The following MYO1D variants were observed in gnomAD, a reference collection of about 807,000 sequenced individuals.
The protein encoded by MYO1D is myosin ID, also known as unconventional myosin-Id.
Under a neutral mutation model 122.0 loss-of-function variants are expected in MYO1D, and 83 were observed. The observed-to-expected ratio is 0.68, with a 90% confidence interval of 0.57 to 0.82. MYO1D has a LOEUF of 0.82. Among genes scored for constraint, MYO1D ranks in the 40% least tolerant of loss-of-function variants. MYO1D has a pLI of 0.00. For missense variants in MYO1D, 1,157 were observed against 1,269.5 expected, an observed-to-expected ratio of 0.91 and a Z score of 1.35; for synonymous variants, 464 against 446.9, an observed-to-expected ratio of 1.04 and a Z score of -0.48.
chr17:32,756,504 A>G (rs1279284564), intron 10 of MYO1D, among the ~76,000 whole-genome samples: 18 of 151,950 alleles, frequency 1.2e-4, no homozygotes, highest in Admixed American at 1.0e-3. Flanking sequence ...CATCCCAATC[A>G]GATGTCCATT....
chr17:32,708,898 G>A (rs2089340818), intron 16 of MYO1D, among the ~76,000 whole-genome samples: 1 of 152,166 alleles, frequency 6.6e-6, no homozygotes, highest in Non-Finnish European at 1.5e-5. Flanking sequence ...AAAAGCAGAG[G>A]TAGGGACTGG....
At chr17:32,787,455 G>T (rs1307283341) in intron 1 of MYO1D, among the ~76,000 whole-genome samples, 3 of 148,622 alleles carry the variant, frequency 2.0e-5, no homozygotes, top group Non-Finnish European at 4.5e-5. Flanking sequence ...GTCTCACTTT[G>T]TCGCCCAGGC....
At chr17:32,613,960 T>C (rs1470627340) in intron 20 of MYO1D, among the ~76,000 whole-genome samples, 2 of 151,982 alleles carry the variant, frequency 1.3e-5, no homozygotes, top group African/African-American at 4.8e-5. Flanking sequence ...TGCATTTGTA[T>C]TGTTTTTATT....
chr17:32,860,686 A>T (rs7213698), intron 1 of MYO1D, among the ~76,000 whole-genome samples: 1 of 152,200 alleles, frequency 6.6e-6, no homozygotes, highest in Non-Finnish European at 1.5e-5. Flanking sequence ...TAGGAATAGG[A>T]CAAAAACCGA....
chr17:32,874,976 C>T (rs2091216475), intron 1 of MYO1D, among the ~76,000 whole-genome samples: 1 of 152,042 alleles, frequency 6.6e-6, no homozygotes, highest in Non-Finnish European at 1.5e-5. Context: ...AGGAGTAGTC[C>T]TACAAACTAA....
At chr17:32,624,083 A>G (rs777208418) in intron 20 of MYO1D, among the ~76,000 whole-genome samples, 2 of 152,208 alleles carry the variant, frequency 1.3e-5, no homozygotes, top group Non-Finnish European at 2.9e-5. Context: ...AGCAAGTCCA[A>G]CTTTTAACAG....
chr17:32,653,657 T>C (rs2088430954), intron 19 of MYO1D, among the ~76,000 whole-genome samples, 186 bp downstream of exon 19: 1 of 151,100 alleles, frequency 6.6e-6, no homozygotes, highest in African/African-American at 2.4e-5. Flanking sequence ...GAAGGCTTTA[T>C]AGCCTAACTG....
Position 32,493,555 on chromosome 17 carries a change from T to C in MYO1D, c.*1204A>G, listed in dbSNP as rs185669338. 1.3e-5 allele frequency: 2 copies of C among 152,468 alleles called. No individual in the cohort carries two copies. The highest frequency in any genetic ancestry group is 4.8e-5 in the African/African-American group (2 of 41,452). The allele number at this position is 152,468 out of a possible 1,614,324, so 9.4% of individuals were successfully genotyped here. On this transcript the variant is annotated 3_prime_UTR_variant, in exon 22 of 22. Coordinates refer to ENST00000318217, the MANE Select transcript of MYO1D (RefSeq NM_015194.3). ...AGGCTCCCCTCATCCTCTCACCGCA[T>C]GGGGCATTTGCTCCCAGCCTCTACT...
At chr17:32,516,765 C>T (rs1355126325) in intron 21 of MYO1D, among the ~76,000 whole-genome samples, 3 of 152,196 alleles carry the variant, frequency 2.0e-5, no homozygotes, top group Admixed American at 6.5e-5. Flanking sequence ...TAATACAGGC[C>T]TTATTTACTG....
At chr17:32,705,867 T>C (rs2089301241) in intron 16 of MYO1D, among the ~76,000 whole-genome samples, 2 of 152,164 alleles carry the variant, frequency 1.3e-5, no homozygotes, top group African/African-American at 4.8e-5. Flanking sequence ...TGAGATCTGA[T>C]GGTTTTATAA....
chr17:32,786,293 G>T (rs2090293280), intron 1 of MYO1D, among the ~76,000 whole-genome samples: 1 of 152,140 alleles, frequency 6.6e-6, no homozygotes, highest in South Asian at 2.1e-4. Flanking sequence ...TAGTGGTGAG[G>T]CAAAAGAGAA....
chr17:32,547,010 A>C (rs994697002), intron 21 of MYO1D, among the ~76,000 whole-genome samples: 1 of 151,230 alleles, frequency 6.6e-6, no homozygotes, highest in African/African-American at 2.4e-5. Context: ...CCTGAGCTCC[A>C]GTGATCCTCC....
intron 21 of MYO1D, among the ~76,000 whole-genome samples, chr17:32,527,901 C>T (rs147755533): frequency 0.012 from 1,821 of 149,030 alleles, 23 homozygotes; most frequent in Middle Eastern, 0.049. Context: ...TGCAGTGGCA[C>T]GATCTTGGCT....
intron 10 of MYO1D, among the ~76,000 whole-genome samples, chr17:32,758,764 A>G (rs1324889574): frequency 6.6e-6 from 1 of 152,204 alleles, no homozygotes; most frequent in Non-Finnish European, 1.5e-5. Flanking sequence ...TTTTACCCAG[A>G]ATAGAGATTC....
chr17:32,619,857 CT>C lies in MYO1D; in HGVS notation c.2710-14617del, dbSNP rs550229971. ...AAGATTATTCACTCATCATTTTAGG[CT>C]TATTTTCCTTATCCTATTCTGAGTC... On this transcript the variant is annotated intron_variant, in intron 20 of 21. Transcript: ENST00000318217. 8.3e-4 allele frequency among the ~76,000 whole-genome samples: 126 copies of C among 152,222 alleles called. 2 individuals are homozygous for C. The highest frequency in any genetic ancestry group is 2.9e-3 in the African/African-American group (122 of 41,546).
In MYO1D at chr17:32,509,557, T is replaced by C. The variant is rs569725512; in HGVS notation, c.2865-14642A>G. On this transcript the variant is annotated intron_variant, in intron 21 of 21. Coordinates refer to ENST00000318217, the MANE Select transcript of MYO1D (RefSeq NM_015194.3). ...TCCATGCAGATTTCTCAGTAATAGC[T>C]TCAGAAATGTGGGCAGATATTTCTT... Among the ~76,000 whole-genome samples the C allele has an allele frequency of 2.0e-5, 3 of 152,262 alleles. No individual in the cohort carries two copies. The South Asian group carries it at 6.2e-4, about 32-fold the overall frequency.
intron 16 of MYO1D, among the ~76,000 whole-genome samples, chr17:32,710,983 G>C (rs147340256): frequency 2.6e-4 from 40 of 152,274 alleles, no homozygotes; most frequent in African/African-American, 9.4e-4. Flanking sequence ...ACTGGCTCAT[G>C]CAAGATAACC....
At chr17:32,826,775 C>A (rs559264038) in intron 1 of MYO1D, among the ~76,000 whole-genome samples, 2 of 152,204 alleles carry the variant, frequency 1.3e-5, no homozygotes, top group Admixed American at 1.3e-4. Context: ...TTCAGAAGTG[C>A]AATATTTGGT....
chr17:32,866,274 A>C (rs181688068), intron 1 of MYO1D, among the ~76,000 whole-genome samples: 55 of 152,300 alleles, frequency 3.6e-4, no homozygotes, highest in Non-Finnish European at 6.2e-4. Flanking sequence ...AATTGAGCAT[A>C]AAATAAAAGA....
Sources: gnomAD v4.1 joint callset for allele counts (sites outside exome capture counted in the v4.1 genomes callset) on GRCh38, gnomAD v4.1.1 for gene constraint, MANE v1.5 for transcripts, NCBI Gene and HGNC (gene_info 2026-07-23, HGNC 2026-07-21) for gene names.